Variants in ULK4 observed in about 807,000 individuals in gnomAD.
ULK4 encodes inactive serine/threonine-protein kinase ULK4.
ULK4 carries 133 observed loss-of-function variants against 160.6 expected under a neutral mutation model. The observed-to-expected ratio is 0.83, with a 90% CI of 0.72 to 0.96. The LOEUF is 0.96. Ranked by LOEUF, ULK4 falls within the 40% of genes least tolerant of loss-of-function variation. The pLI, the probability that ULK4 is intolerant of heterozygous loss-of-function variation, is 0.00. For missense variants in ULK4, 1,580 were observed against 1,499.5 expected, an observed-to-expected ratio of 1.05 and a Z score of -0.89; for synonymous variants, 534 against 539.8, an observed-to-expected ratio of 0.99 and a Z score of 0.15.
intron 34 of ULK4, among the ~76,000 whole-genome samples, chr3:41,439,678 T>G (rs2083119407): frequency 1.3e-5 from 2 of 152,188 alleles, no homozygotes; most frequent in African/African-American, 4.8e-5. Flanking sequence ...CCAACTTTAT[T>G]CATTTTCAAA....
rs577892447 is a variant in ULK4, at chr3:41,811,056, A to T, written c.1848+8367T>A. ...GCACCACTACACTGGGCTAATTTTA[A>T]ATTTTTTTTTTGTAGTGATGGAGTC... On this transcript the variant is annotated intron_variant, in intron 19 of 36. Coordinates refer to ENST00000301831, the MANE Select transcript of ULK4 (RefSeq NM_017886.4). 3.3e-4 allele frequency among the ~76,000 whole-genome samples: 49 copies of T among 150,482 alleles called. No individual in the cohort carries two copies. In the South Asian group the frequency reaches 9.9e-3, roughly 30 times the overall value.
intron 34 of ULK4, among the ~76,000 whole-genome samples, chr3:41,445,123 A>G (rs1366999431): frequency 6.6e-6 from 1 of 152,226 alleles, no homozygotes; most frequent in African/African-American, 2.4e-5. Context: ...CCCATTCACA[A>G]TTGCTTCAAA....
chr3:41,912,939 A>C (rs761000828), intron 8 of ULK4, 40 bp from the exon 9 acceptor site: 1 of 1,587,616 alleles, frequency 6.3e-7, no homozygotes, highest in Non-Finnish European at 8.6e-7. Flanking sequence ...CTTTAACATG[A>C]TTTACCATGA....
chr3:41,855,150 A>G (rs749181551), intron 17 of ULK4, among the ~76,000 whole-genome samples: 10 of 150,776 alleles, frequency 6.6e-5, no homozygotes, highest in African/African-American at 2.5e-4. Flanking sequence ...TCTGAAACCT[A>G]CCTATGATAA....
intron 29 of ULK4, among the ~76,000 whole-genome samples, chr3:41,670,123 A>C (rs906409489): frequency 6.6e-6 from 1 of 152,168 alleles, no homozygotes; most frequent in African/African-American, 2.4e-5. Flanking sequence ...TGCAACATGG[A>C]TCTGAGGCTT....
intron 32 of ULK4, among the ~76,000 whole-genome samples, chr3:41,466,090 T>C (rs558296746): frequency 5.9e-5 from 9 of 152,324 alleles, no homozygotes; most frequent in African/African-American, 2.2e-4. Context: ...GTATGCTCAA[T>C]ATGTCCTATC....
chr3:41,369,523 T>C (rs1485675387), intron 35 of ULK4, among the ~76,000 whole-genome samples: 1 of 149,462 alleles, frequency 6.7e-6, no homozygotes, highest in Non-Finnish European at 1.5e-5. Context: ...CAGAGCACGG[T>C]GGCTCACGCC....
chr3:41,246,666 G>T lies in ULK4; in HGVS notation c.*263C>A. On this transcript the variant is annotated 3_prime_UTR_variant, in exon 37 of 37. Transcript: ENST00000301831. The stretch of plus-strand genomic sequence containing the variant: ...CCTTAGCCCACCTGGCCCACACAGA[G>T]AGGGAAAGAACATTTCTGAGAACAG... 2.2e-6 allele frequency: 1 copy of T among 447,412 alleles called. No individual in the cohort carries two copies. The allele number at this position is 447,412 out of a possible 1,614,324, so 27.7% of individuals were successfully genotyped here.
intron 17 of ULK4, among the ~76,000 whole-genome samples, chr3:41,853,832 T>C (rs143525748): frequency 2.8e-3 from 426 of 152,284 alleles, no homozygotes; most frequent in African/African-American, 9.7e-3. Flanking sequence ...TAGGGCCTAA[T>C]TGTAATGCAC....
chr3:41,740,790 G>A (rs1348989037), intron 22 of ULK4, among the ~76,000 whole-genome samples: 4 of 151,920 alleles, frequency 2.6e-5, no homozygotes, highest in Non-Finnish European at 4.4e-5. Flanking sequence ...GCAGTTTCAA[G>A]GGACAAGTAA....
intron 34 of ULK4, among the ~76,000 whole-genome samples, chr3:41,425,597 A>G (rs1575543619): frequency 6.6e-6 from 1 of 151,680 alleles, no homozygotes; most frequent in East Asian, 1.9e-4. Flanking sequence ...ATAACCTCTC[A>G]GCAGAAGAGA....
intron 31 of ULK4, among the ~76,000 whole-genome samples, chr3:41,574,475 CTCCT>C (rs1035990057): frequency 1.3e-5 from 2 of 151,432 alleles, no homozygotes; most frequent in Non-Finnish European, 2.9e-5. Flanking sequence ...GGACCACAGT[CTCCT>C]AATGGGTGTC....
chr3:41,558,382 C>T lies in ULK4; in HGVS notation c.3226+7643G>A, dbSNP rs143736696. On this transcript the variant is annotated intron_variant, in intron 32 of 36. Coordinates refer to ENST00000301831, the MANE Select transcript of ULK4 (RefSeq NM_017886.4). ...TTCTTAGGGGAGGAAAAAAATATTA[C>T]CAGCATTGAAATATAATGACCACAT... 8.5e-5 allele frequency among the ~76,000 whole-genome samples: 13 copies of T among 152,076 alleles called. No homozygotes were observed. The East Asian group carries it at 2.5e-3, about 29-fold the overall frequency.
At chr3:41,447,666 C>T (rs1247021011) in intron 34 of ULK4, among the ~76,000 whole-genome samples, 1 of 152,146 alleles carries the variant, frequency 6.6e-6, no homozygotes, top group Non-Finnish European at 1.5e-5. Flanking sequence ...GCTTCGTGCT[C>T]ACCAATGCTG....
intron 30 of ULK4, among the ~76,000 whole-genome samples, chr3:41,616,842 T>C (rs1318621582): frequency 6.6e-6 from 1 of 152,132 alleles, no homozygotes; most frequent in African/African-American, 2.4e-5. Context: ...TCTTGCTCCA[T>C]GGGTCCCACT....
intron 17 of ULK4, among the ~76,000 whole-genome samples, chr3:41,876,008 C>A (rs1416168735): frequency 1.3e-5 from 2 of 150,006 alleles, no homozygotes; most frequent in Non-Finnish European, 3.0e-5. Flanking sequence ...AATGAAGCGT[C>A]CAGACCTAAC....
chr3:41,815,831 A>G (rs2040946300), intron 19 of ULK4, among the ~76,000 whole-genome samples: 1 of 152,244 alleles, frequency 6.6e-6, no homozygotes, highest in South Asian at 2.1e-4. Flanking sequence ...CAAATAGATT[A>G]AAACTCTAAA....
At chr3:41,688,437 T>G (rs2036171821) in intron 27 of ULK4, among the ~76,000 whole-genome samples, 1 of 152,200 alleles carries the variant, frequency 6.6e-6, no homozygotes, top group Non-Finnish European at 1.5e-5. Flanking sequence ...AGGTACTTAC[T>G]AAGAATATAT....
chr3:41,291,637 T>G (rs1047923276), intron 35 of ULK4, among the ~76,000 whole-genome samples: 1 of 152,082 alleles, frequency 6.6e-6, no homozygotes, highest in Admixed American at 6.5e-5. Flanking sequence ...TTATAATCAT[T>G]TAATAGAACA....
Sources: allele counts gnomAD v4.1 joint callset (sites outside exome capture counted in the v4.1 genomes callset), GRCh38; gene constraint gnomAD v4.1.1; transcripts MANE v1.5; gene names NCBI Gene and HGNC (gene_info 2026-07-23, HGNC 2026-07-21).